The following CIROZ variants were observed in gnomAD, a reference collection of about 807,000 sequenced individuals.
The protein encoded by CIROZ is ciliated left-right organizer protein containing ZP-N domains.
At chr1:10,947,784 C>T in the CIROZ span, 1 of 1,598,938 alleles carries the variant, frequency 6.3e-7, no homozygotes, top group Non-Finnish European at 8.5e-7. Context: ...GGCCCCCCGG[C>T]CAGCCTGGAA....
At chr1:10,957,779 A>G in the CIROZ span, 1 of 1,604,080 alleles carries the variant, frequency 6.2e-7, no homozygotes, top group Admixed American at 1.7e-5. Flanking sequence ...ACGATCACAA[A>G]CCATGTGGCC....
chr1:10,970,109 G>GAGGGAGGGAGGTGGGGA, the CIROZ span: 1 of 1,499,488 alleles, frequency 6.7e-7, no homozygotes, highest in Admixed American at 2.1e-5. Context: ...AAGGAAGGAG[G>GAGGGAGGGAGGTGGGGA]AGGGAGGGAG....
chr1:10,981,979 G>T, the CIROZ span: 5 of 1,536,914 alleles, frequency 3.3e-6, no homozygotes, highest in Non-Finnish European at 4.4e-6. Flanking sequence ...CATGCCACTG[G>T]CTTCTCCCAA....
chr1:10,960,792 C>T, the CIROZ span, among the ~76,000 whole-genome samples: 1 of 152,138 alleles, frequency 6.6e-6, no homozygotes, highest in Non-Finnish European at 1.5e-5. The surrounding 1 kb of genome is among the most constrained non-coding windows in gnomAD (Gnocchi z 4.6). Flanking sequence ...AGGGCAAGGC[C>T]GGTGAAACGG....
At chr1:10,965,355 A>G in the CIROZ span, among the ~76,000 whole-genome samples, 1 of 152,198 alleles carries the variant, frequency 6.6e-6, no homozygotes, top group African/African-American at 2.4e-5. Flanking sequence ...GAGGTGAGGA[A>G]AAGACAAGAA....
chr1:10,959,816 T>A, the CIROZ span, among the ~76,000 whole-genome samples: 37,030 of 152,214 alleles, frequency 0.24, 5,303 homozygotes, highest in South Asian at 0.47. This position sits in a 1 kb window ranked among gnomAD's most constrained non-coding sequence, Gnocchi z 4.3. Flanking sequence ...AGAGCCCATG[T>A]TGGCAGCAGG....
the CIROZ span, chr1:10,970,037 G>C: frequency 3.3e-6 from 5 of 1,536,830 alleles, no homozygotes; most frequent in Non-Finnish European, 4.4e-6. Context: ...GGATCCACAG[G>C]GTCATGTAGT....
chr1:10,971,692 A>G, the CIROZ span, among the ~76,000 whole-genome samples: 2 of 152,012 alleles, frequency 1.3e-5, no homozygotes, highest in South Asian at 4.1e-4. Flanking sequence ...GTTGTTTGTG[A>G]GATTTCTGTA....
the CIROZ span, among the ~76,000 whole-genome samples, chr1:10,957,326 T>C: frequency 0.014 from 2,155 of 152,326 alleles, 65 homozygotes; most frequent in African/African-American, 0.05. Flanking sequence ...GCAAATGTCA[T>C]GTGAGCCGTC....
At chr1:10,976,211 G>T in the CIROZ span, 1 of 1,536,578 alleles carries the variant, frequency 6.5e-7, no homozygotes, top group African/African-American at 1.4e-5. Context: ...TGAAGGAGAG[G>T]CTCCATGGGA....
chr1:10,955,204 C>T, the CIROZ span: 3 of 1,583,122 alleles, frequency 1.9e-6, no homozygotes, highest in Admixed American at 1.7e-5. Flanking sequence ...GGGAAGGACA[C>T]AGGACACAGA....
At chr1:10,954,833 C>T in the CIROZ span, among the ~76,000 whole-genome samples, 1 of 152,092 alleles carries the variant, frequency 6.6e-6, no homozygotes, top group Non-Finnish European at 1.5e-5. Flanking sequence ...GCTCAAGTGA[C>T]GCTCCGGCCT....
the CIROZ span, among the ~76,000 whole-genome samples, chr1:10,967,081 G>A: frequency 2.0e-5 from 3 of 151,746 alleles, no homozygotes; most frequent in East Asian, 5.8e-4. Context: ...CCCGGAAGGT[G>A]GAGGCTGCAG....
the CIROZ span, among the ~76,000 whole-genome samples, chr1:10,975,207 G>A: frequency 0.34 from 51,760 of 151,686 alleles, 11,337 homozygotes; most frequent in African/African-American, 0.63. Context: ...GGAGTTCGAG[G>A]CCAGCCTGGC....
chr1:10,975,208 C>T, the CIROZ span, among the ~76,000 whole-genome samples: 1 of 152,142 alleles, frequency 6.6e-6, no homozygotes, highest in Non-Finnish European at 1.5e-5. Context: ...GAGTTCGAGG[C>T]CAGCCTGGCT....
the CIROZ span, among the ~76,000 whole-genome samples, chr1:10,977,892 A>T: frequency 6.6e-6 from 1 of 152,122 alleles, no homozygotes; most frequent in African/African-American, 2.4e-5. Context: ...TGTTTTTGCC[A>T]GGCGCTGTGG....
the CIROZ span, chr1:10,953,889 A>T: frequency 7.6e-7 from 1 of 1,317,074 alleles, no homozygotes; most frequent in South Asian, 1.6e-5. Context: ...CTTACCTTGT[A>T]GGTGTGGGAT....
the CIROZ span, among the ~76,000 whole-genome samples, chr1:10,962,688 ATC>A: frequency 6.6e-6 from 1 of 152,146 alleles, no homozygotes; most frequent in Non-Finnish European, 1.5e-5. Flanking sequence ...AAGTCTCCTA[ATC>A]TCTCTCTGCT....
the CIROZ span, among the ~76,000 whole-genome samples, chr1:10,955,704 C>T: frequency 6.6e-6 from 1 of 151,986 alleles, no homozygotes; most frequent in South Asian, 2.1e-4. Context: ...ATTAGCCAGG[C>T]GTGGTGGCGG....
Sources: gnomAD v4.1 joint callset for allele counts (sites outside exome capture counted in the v4.1 genomes callset) on GRCh38, gnomAD v4.1.1 for gene constraint, Gnocchi (gnomAD v3.1) non-coding constraint, MANE v1.5 for transcripts, NCBI Gene and HGNC (gene_info 2026-07-23, HGNC 2026-07-21) for gene names.